Variants in ZNF804A observed in about 807,000 individuals in gnomAD.
The protein encoded by ZNF804A is zinc finger protein 804A.
A neutral mutation model predicts 16.5 loss-of-function variants in ZNF804A; 2 were observed. The ratio of observed to expected loss-of-function variants is 0.12; its 90% CI spans 0.05 to 0.38. The LOEUF (loss-of-function observed/expected upper bound fraction) is 0.38, where lower values mean the gene tolerates loss of function less well. ZNF804A is among the 10% of genes least tolerant of loss of function. The pLI, the probability that ZNF804A is intolerant of heterozygous loss-of-function variation, is 0.99. For missense variants in ZNF804A, 1,473 were observed against 1,390.7 expected, an observed-to-expected ratio of 1.06 and a Z score of -0.94; for synonymous variants, 534 against 489.6, an observed-to-expected ratio of 1.09 and a Z score of -1.20.
intron 1 of ZNF804A, among the ~76,000 whole-genome samples, chr2:184,799,242 C>A: frequency 6.6e-6 from 1 of 151,934 alleles, no homozygotes; most frequent in East Asian, 1.9e-4. Context: ...TGCTGTCTGT[C>A]CCAGTCAGAG....
At chr2:184,732,390 A>T (rs1693535263) in intron 1 of ZNF804A, among the ~76,000 whole-genome samples, 1 of 151,636 alleles carries the variant, frequency 6.6e-6, no homozygotes, top group Non-Finnish European at 1.5e-5. Flanking sequence ...TGTTTCATTG[A>T]TCTATTTGTC....
At chr2:184,903,789 C>T (rs1685225912) in intron 2 of ZNF804A, among the ~76,000 whole-genome samples, 1 of 152,028 alleles carries the variant, frequency 6.6e-6, no homozygotes, top group Non-Finnish European at 1.5e-5. Flanking sequence ...CATATGTGTG[C>T]TTCATGTAGC....
intron 1 of ZNF804A, among the ~76,000 whole-genome samples, chr2:184,698,728 T>G (rs1323864391): frequency 6.6e-6 from 1 of 152,094 alleles, no homozygotes. Flanking sequence ...TAACTCTCTG[T>G]ATGAAACTTT....
At chr2:184,629,299 T>C (rs910414954) in intron 1 of ZNF804A, among the ~76,000 whole-genome samples, 50 of 152,124 alleles carry the variant, frequency 3.3e-4, no homozygotes, top group African/African-American at 1.1e-3. Context: ...CTGCATTCCT[T>C]AGGGGGTGCA....
At chr2:184,727,188 G>A (rs910708678) in intron 1 of ZNF804A, among the ~76,000 whole-genome samples, 5 of 151,360 alleles carry the variant, frequency 3.3e-5, no homozygotes, top group Non-Finnish European at 7.4e-5. Context: ...ATAGAATTTC[G>A]CTCCCTCACA....
At chr2:184,900,788 C>T (rs1394005390) in intron 2 of ZNF804A, among the ~76,000 whole-genome samples, 1 of 152,078 alleles carries the variant, frequency 6.6e-6, no homozygotes, top group Non-Finnish European at 1.5e-5. Context: ...TTAGAAAAGT[C>T]CATCAGATCC....
intron 1 of ZNF804A, among the ~76,000 whole-genome samples, chr2:184,628,267 A>G (rs769754218): frequency 1.3e-5 from 2 of 152,056 alleles, no homozygotes; most frequent in Non-Finnish European, 2.9e-5. Context: ...GTTAGCAGAT[A>G]TTGTGCCATT....
chr2:184,870,535 A>G (rs1268658714), intron 2 of ZNF804A, among the ~76,000 whole-genome samples: 4 of 152,062 alleles, frequency 2.6e-5, no homozygotes, highest in Non-Finnish European at 5.9e-5. Context: ...CTGCTAACTC[A>G]AATATATAGA....
At chr2:184,704,353 T>C (rs1323249631) in intron 1 of ZNF804A, among the ~76,000 whole-genome samples, 1 of 152,042 alleles carries the variant, frequency 6.6e-6, no homozygotes, top group Admixed American at 6.6e-5. Flanking sequence ...GGTTTCTCCA[T>C]ATTGGTCAGG....
chr2:184,731,412 G>A (rs1420335250), intron 1 of ZNF804A, among the ~76,000 whole-genome samples: 1 of 151,766 alleles, frequency 6.6e-6, no homozygotes, highest in Admixed American at 6.6e-5. Context: ...TCAGTGTTCT[G>A]GATTTTGGCC....
At chr2:184,926,121 A>G (rs1685607742) in intron 2 of ZNF804A, among the ~76,000 whole-genome samples, 1 of 151,976 alleles carries the variant, frequency 6.6e-6, no homozygotes, top group Admixed American at 6.6e-5. Flanking sequence ...ATGATTTCTT[A>G]TTGCTCATTA....
At chr2:184,808,815 A>G (rs1694849944) in intron 1 of ZNF804A, among the ~76,000 whole-genome samples, 1 of 151,762 alleles carries the variant, frequency 6.6e-6, no homozygotes, top group Non-Finnish European at 1.5e-5. Flanking sequence ...AAAATTAACT[A>G]TTTTTAGTAT....
At chr2:184,894,453 G>A (rs932929175) in intron 2 of ZNF804A, among the ~76,000 whole-genome samples, 35 of 151,500 alleles carry the variant, frequency 2.3e-4, no homozygotes, top group Non-Finnish European at 4.6e-4. Context: ...TTTTATTAAC[G>A]TATTTTTATT....
chr2:184,847,063 C>A (rs1345186035), intron 1 of ZNF804A, among the ~76,000 whole-genome samples: 1 of 152,104 alleles, frequency 6.6e-6, no homozygotes, highest in Non-Finnish European at 1.5e-5. Context: ...GAAACTAATT[C>A]TTAAAGGAGA....
chr2:184,680,879 TTGGGGCTCTG>T (rs1418271242), intron 1 of ZNF804A, among the ~76,000 whole-genome samples: 2 of 152,206 alleles, frequency 1.3e-5, no homozygotes, highest in Non-Finnish European at 2.9e-5. Flanking sequence ...GACAACCACT[TTGGGGCTCTG>T]CAGTTGCTGG....
intron 1 of ZNF804A, among the ~76,000 whole-genome samples, chr2:184,686,824 G>C (rs1014537701): frequency 2.0e-5 from 3 of 152,086 alleles, no homozygotes; most frequent in African/African-American, 7.2e-5. Context: ...ACATTTGTTG[G>C]CTGCTTGTAT....
intron 1 of ZNF804A, among the ~76,000 whole-genome samples, chr2:184,599,843 G>T (rs531082948): frequency 2.6e-5 from 4 of 152,170 alleles, no homozygotes; most frequent in African/African-American, 9.7e-5. Flanking sequence ...TTGAGATAGT[G>T]CAGGATGATT....
At chr2:184,924,572 T>G (rs549306580) in intron 2 of ZNF804A, among the ~76,000 whole-genome samples, 59 of 151,808 alleles carry the variant, frequency 3.9e-4, no homozygotes, top group African/African-American at 1.4e-3. Context: ...TCCACTCTAA[T>G]CTTTATTTTT....
chr2:184,606,516 A>G (rs896000957), intron 1 of ZNF804A, among the ~76,000 whole-genome samples: 4 of 152,346 alleles, frequency 2.6e-5, no homozygotes, highest in Admixed American at 2.0e-4. Context: ...GAGCCAAATC[A>G]TATCACGTAG....
Sources: gnomAD v4.1 joint callset for allele counts (sites outside exome capture counted in the v4.1 genomes callset) on GRCh38, gnomAD v4.1.1 for gene constraint, MANE v1.5 for transcripts, NCBI Gene and HGNC (gene_info 2026-07-23, HGNC 2026-07-21) for gene names.